Variants in GRXCR2 observed in about 807,000 individuals in gnomAD.
GRXCR2 encodes glutaredoxin domain-containing cysteine-rich protein 2.
GRXCR2 carries 23 observed loss-of-function variants against 24.8 expected under a neutral mutation model. The ratio of observed to expected loss-of-function variants is 0.93; its 90% CI spans 0.67 to 1.32. GRXCR2 has a LOEUF of 1.32. GRXCR2 is among the 40% of genes most tolerant of loss of function. The probability of loss-of-function intolerance (pLI) is 0.00; values close to 1 mark genes in which losing one functional copy is unlikely to be tolerated. For missense variants in GRXCR2, 315 were observed against 303.4 expected (o/e 1.04, Z -0.28); for synonymous variants, 130 against 116.1 (o/e 1.12, Z -0.77).
chr5:145,884,376 C>A (rs1756746676), intron 2 of GRXCR2, among the ~76,000 whole-genome samples: 1 of 151,868 alleles, frequency 6.6e-6, no homozygotes, highest in Non-Finnish European at 1.5e-5. Flanking sequence ...GTATATCAAC[C>A]TAGATTTCTT....
intron 2 of GRXCR2, among the ~76,000 whole-genome samples, chr5:145,889,350 G>A (rs1377190040): frequency 2.0e-5 from 3 of 151,992 alleles, no homozygotes; most frequent in Admixed American, 6.6e-5. Context: ...GGTGATGGGT[G>A]CACTAAAATC....
intron 2 of GRXCR2, among the ~76,000 whole-genome samples, chr5:145,887,520 G>A (rs1042689116): frequency 6.6e-6 from 1 of 152,206 alleles, no homozygotes; most frequent in Non-Finnish European, 1.5e-5. Flanking sequence ...TCGTGGGTGA[G>A]AGGCTAGGGA....
intron 2 of GRXCR2, among the ~76,000 whole-genome samples, chr5:145,917,324 T>A (rs898510388): frequency 6.6e-6 from 1 of 152,120 alleles, no homozygotes; most frequent in African/African-American, 2.4e-5. Context: ...GACCCAAATA[T>A]ATGAACTTTC....
chr5:145,924,921 T>A (rs1581357894), intron 2 of GRXCR2, among the ~76,000 whole-genome samples: 1 of 152,126 alleles, frequency 6.6e-6, no homozygotes, highest in Admixed American at 6.6e-5. Context: ...CAAATCAGAA[T>A]AAATAACTGC....
At chr5:145,870,223 C>A (rs1250474296) in intron 1 of GRXCR2, among the ~76,000 whole-genome samples, 1 of 152,168 alleles carries the variant, frequency 6.6e-6, no homozygotes, top group Non-Finnish European at 1.5e-5. Flanking sequence ...ATCCATTAAA[C>A]AATGACTCTT....
At chr5:145,912,421 C>G (rs558201270) in intron 2 of GRXCR2, among the ~76,000 whole-genome samples, 1 of 152,190 alleles carries the variant, frequency 6.6e-6, no homozygotes, top group South Asian at 2.1e-4. Context: ...CTACAGTACC[C>G]CTGTTATATG....
chr5:145,912,690 G>T (rs888926897), intron 2 of GRXCR2, among the ~76,000 whole-genome samples: 10 of 152,138 alleles, frequency 6.6e-5, no homozygotes, highest in African/African-American at 2.2e-4. Context: ...TAAATAGCAA[G>T]ATGAGGCCTA....
intron 2 of GRXCR2, among the ~76,000 whole-genome samples, chr5:145,863,863 T>C (rs1358603842): frequency 6.6e-6 from 1 of 152,180 alleles, no homozygotes; most frequent in Non-Finnish European, 1.5e-5. Context: ...GCTGGCACTT[T>C]GGTCTCAAAT....
chr5:145,912,677 C>G (rs1031773008), intron 2 of GRXCR2, among the ~76,000 whole-genome samples: 1 of 152,104 alleles, frequency 6.6e-6, no homozygotes, highest in African/African-American at 2.4e-5. Flanking sequence ...CACAGAAGAG[C>G]TCTAAATAGC....
chr5:145,860,090 A>G (rs1756309458), intron 2 of GRXCR2, among the ~76,000 whole-genome samples, 175 bp from the exon 3 acceptor site: 1 of 152,230 alleles, frequency 6.6e-6, no homozygotes, highest in South Asian at 2.1e-4. Flanking sequence ...CAATTTTATC[A>G]GAGAGGATTC....
At chr5:145,876,191 G>GTATATATATA (rs748811333), upstream of GRXCR2, among the ~76,000 whole-genome samples, 3,318 of 104,826 alleles carry the variant, frequency 0.032, 66 homozygotes, top group African/African-American at 0.037. Flanking sequence ...GTGTGTGTGT[G>GTATATATATA]TATATATATA....
intron 2 of GRXCR2, among the ~76,000 whole-genome samples, chr5:145,860,883 C>T (rs1756325967): frequency 6.6e-6 from 1 of 151,996 alleles, no homozygotes; most frequent in Non-Finnish European, 1.5e-5. Flanking sequence ...ATAGGTGCAC[C>T]TTCTCCTAAG....
At chr5:145,895,687 G>A (rs538300050) in intron 2 of GRXCR2, among the ~76,000 whole-genome samples, 6 of 152,276 alleles carry the variant, frequency 3.9e-5, no homozygotes, top group African/African-American at 9.6e-5. Flanking sequence ...AATCAGTATC[G>A]TGAAAATGGC....
intron 2 of GRXCR2, among the ~76,000 whole-genome samples, chr5:145,888,247 A>C (rs1028807313): frequency 6.6e-6 from 1 of 152,214 alleles, no homozygotes; most frequent in African/African-American, 2.4e-5. Flanking sequence ...TCCAGAGGAC[A>C]GGAAAGAGCT....
chr5:145,928,071 C>A (rs1757426516), intron 2 of GRXCR2, among the ~76,000 whole-genome samples: 1 of 151,942 alleles, frequency 6.6e-6, no homozygotes, highest in African/African-American at 2.4e-5. Context: ...AAACAAACAA[C>A]CCCATCAAAA....
chr5:145,868,131 T>C (rs1420205227), intron 1 of GRXCR2, among the ~76,000 whole-genome samples: 2 of 152,074 alleles, frequency 1.3e-5, no homozygotes, highest in Non-Finnish European at 2.9e-5. Flanking sequence ...TATAAAATAG[T>C]GTTTTTATTT....
At chr5:145,875,715 C>T (rs1286757064), upstream of GRXCR2, among the ~76,000 whole-genome samples, 1 of 152,068 alleles carries the variant, frequency 6.6e-6, no homozygotes, top group Non-Finnish European at 1.5e-5. Flanking sequence ...AAGAAAGATA[C>T]ACTTTTCATA....
chr5:145,878,658 C>A (rs1036208782), intron 2 of GRXCR2, among the ~76,000 whole-genome samples: 2 of 152,156 alleles, frequency 1.3e-5, no homozygotes, highest in Non-Finnish European at 2.9e-5. Flanking sequence ...CCCAACCTAG[C>A]AAGGCAGGCC....
upstream of GRXCR2, among the ~76,000 whole-genome samples, chr5:145,876,789 G>C (rs1333485773): frequency 6.6e-6 from 1 of 152,132 alleles, no homozygotes; most frequent in Non-Finnish European, 1.5e-5. Flanking sequence ...TCAGACGTTG[G>C]TGTTTCCAGA....
Sources: gnomAD v4.1 joint callset for allele counts (sites outside exome capture counted in the v4.1 genomes callset) on GRCh38, gnomAD v4.1.1 for gene constraint, MANE v1.5 for transcripts, NCBI Gene and HGNC (gene_info 2026-07-23, HGNC 2026-07-21) for gene names.